The following CNTNAP5 variants were observed in gnomAD, a reference collection of about 807,000 sequenced individuals.
The protein encoded by CNTNAP5 is contactin-associated protein-like 5.
A neutral mutation model predicts 150.2 loss-of-function variants in CNTNAP5; 72 were observed. The ratio of observed to expected loss-of-function variants is 0.48; its 90% CI spans 0.40 to 0.58. The LOEUF (loss-of-function observed/expected upper bound fraction) is 0.58, where lower values mean the gene tolerates loss of function less well. Among genes scored for constraint, CNTNAP5 ranks in the 20% least tolerant of loss-of-function variants. CNTNAP5 has a pLI of 0.00. For synonymous variants in CNTNAP5, 672 were observed against 619.8 expected, an observed-to-expected ratio of 1.08 and a Z score of -1.25; for missense variants, 1,636 against 1,626.2, an observed-to-expected ratio of 1.01 and a Z score of -0.10.
At chr2:124,714,682 G>A (rs35184909) in intron 13 of CNTNAP5, among the ~76,000 whole-genome samples, 31,132 of 151,214 alleles carry the variant, frequency 0.21, 3,301 homozygotes, top group East Asian at 0.24. Flanking sequence ...TACATAACAC[G>A]TGAATTATAT....
At chr2:124,655,937 G>GAGAGAAAGAAAGAAAGAA (rs1678436239) in intron 13 of CNTNAP5, among the ~76,000 whole-genome samples, 1 of 52,374 alleles carries the variant, frequency 1.9e-5, no homozygotes, top group African/African-American at 7.9e-5. Context: ...GAGAGAGAGA[G>GAGAGAAAGAAAGAAAGAA]AGAGAGAGAG....
intron 2 of CNTNAP5, among the ~76,000 whole-genome samples, chr2:124,240,216 G>A (rs1573859809): frequency 6.6e-6 from 1 of 152,286 alleles, no homozygotes; most frequent in African/African-American, 2.4e-5. Flanking sequence ...AACACAATAA[G>A]TGTTTAGCTC....
chr2:124,670,197 CTCTCTT>C (rs761500938), intron 13 of CNTNAP5, among the ~76,000 whole-genome samples: 17 of 137,086 alleles, frequency 1.2e-4, no homozygotes, highest in Non-Finnish European at 2.0e-4. Context: ...TTCTCTTTCT[CTCTCTT>C]TCCTTCTTTC....
At chr2:124,847,837 A>C (rs1229226259) in intron 19 of CNTNAP5, among the ~76,000 whole-genome samples, 1 of 152,190 alleles carries the variant, frequency 6.6e-6, no homozygotes, top group Non-Finnish European at 1.5e-5. Flanking sequence ...TTAAGATGGA[A>C]ATTATGGAAA....
At position 124,764,442 on chromosome 2, in the gene CNTNAP5, G is replaced by A. The variant is rs995458629; in HGVS notation, c.2533+295G>A. ...TGTGACTTTAATCTTCCACACTACA[G>A]GACTTTATTCATGACACTTTCCATG... On this transcript the variant is annotated intron_variant, in intron 16 of 23. Transcript: ENST00000682447. Among the ~76,000 whole-genome samples, 3 of 152,088 alleles carry A rather than the reference G, an allele frequency of 2.0e-5. No homozygotes were observed. The South Asian group carries it at 6.2e-4, about 32-fold the overall frequency.
intron 21 of CNTNAP5, among the ~76,000 whole-genome samples, chr2:124,899,677 T>G (rs146771563): frequency 2.6e-5 from 4 of 151,506 alleles, no homozygotes; most frequent in Admixed American, 2.6e-4. Flanking sequence ...GGTGTCGCCT[T>G]TGCTTGCATT....
chr2:124,445,888 G>T (rs1692801933), intron 5 of CNTNAP5, among the ~76,000 whole-genome samples: 1 of 152,168 alleles, frequency 6.6e-6, no homozygotes, highest in Non-Finnish European at 1.5e-5. Context: ...CTCAGGGGAA[G>T]ATATAAGCTG....
At chr2:124,757,054 C>T (rs1310625188) in intron 14 of CNTNAP5, among the ~76,000 whole-genome samples, 5 of 152,252 alleles carry the variant, frequency 3.3e-5, no homozygotes, top group East Asian at 3.9e-4. Context: ...CACCAAACTT[C>T]GAGTGGAGTA....
At chr2:124,230,430 A>G (rs891574585) in intron 2 of CNTNAP5, among the ~76,000 whole-genome samples, 1 of 151,762 alleles carries the variant, frequency 6.6e-6, no homozygotes, top group South Asian at 2.1e-4. Flanking sequence ...TTCTCTCTGG[A>G]TTTATTAAGC....
chr2:124,702,287 C>G (rs1679537815), intron 13 of CNTNAP5, among the ~76,000 whole-genome samples: 1 of 133,734 alleles, frequency 7.5e-6, no homozygotes, highest in Non-Finnish European at 1.5e-5. Context: ...ATAAGTACTT[C>G]TGTTCTGCAA....
intron 1 of CNTNAP5, among the ~76,000 whole-genome samples, chr2:124,103,977 A>C (rs1175136225): frequency 6.8e-6 from 1 of 147,460 alleles, no homozygotes; most frequent in African/African-American, 2.5e-5. Flanking sequence ...AGTTAATCAT[A>C]ATAATATATG....
At chr2:124,838,772 A>T (rs1014216192) in intron 19 of CNTNAP5, among the ~76,000 whole-genome samples, 2 of 152,108 alleles carry the variant, frequency 1.3e-5, no homozygotes, top group African/African-American at 2.4e-5. Flanking sequence ...GGTTAAATTG[A>T]TTCTTCCCCT....
intron 3 of CNTNAP5, among the ~76,000 whole-genome samples, chr2:124,307,469 G>A (rs903918305): frequency 1.3e-5 from 2 of 152,254 alleles, no homozygotes; most frequent in East Asian, 3.9e-4. Flanking sequence ...ACCTACATTT[G>A]CTTCTCCTAG....
At chr2:124,896,134 A>G (rs1678299629) in intron 21 of CNTNAP5, among the ~76,000 whole-genome samples, 1 of 151,612 alleles carries the variant, frequency 6.6e-6, no homozygotes, top group Non-Finnish European at 1.5e-5. Flanking sequence ...CAAAGTTGTA[A>G]GAAATATTAA....
chr2:124,627,375 G>A (rs1311534403), intron 12 of CNTNAP5, among the ~76,000 whole-genome samples: 2 of 152,180 alleles, frequency 1.3e-5, no homozygotes, highest in East Asian at 3.9e-4. Flanking sequence ...TCCAGAGGAA[G>A]GAGCAGGCAG....
At chr2:124,547,603 T>A (rs972950230) in intron 10 of CNTNAP5, among the ~76,000 whole-genome samples, 8 of 152,182 alleles carry the variant, frequency 5.3e-5, no homozygotes, top group Non-Finnish European at 7.3e-5. Flanking sequence ...TCATCTCCCA[T>A]GGTGTGGTCC....
chr2:124,578,156 CAA>C (rs556786620), intron 11 of CNTNAP5, among the ~76,000 whole-genome samples: 7,582 of 69,360 alleles, frequency 0.11, 247 homozygotes, highest in Non-Finnish European at 0.12. Context: ...ACTAAAAATA[CAA>C]AAAAAAAAAA....
intron 3 of CNTNAP5, among the ~76,000 whole-genome samples, chr2:124,302,875 G>A (rs1388728953): frequency 6.6e-6 from 1 of 152,096 alleles, no homozygotes; most frequent in Non-Finnish European, 1.5e-5. Flanking sequence ...TTTGCCTTTG[G>A]TGAAATGAAT....
At chr2:124,337,325 C>T (rs1689497714) in intron 3 of CNTNAP5, among the ~76,000 whole-genome samples, 1 of 152,076 alleles carries the variant, frequency 6.6e-6, no homozygotes, top group South Asian at 2.1e-4. Context: ...TTGTAGGTTG[C>T]CTGTTCACTC....
Sources: allele counts gnomAD v4.1 joint callset (sites outside exome capture counted in the v4.1 genomes callset), GRCh38; gene constraint gnomAD v4.1.1; transcripts MANE v1.5; gene names NCBI Gene and HGNC (gene_info 2026-07-23, HGNC 2026-07-21).